SPIRE1: variants seen among roughly 807,000 people sequenced by gnomAD.
SPIRE1 encodes the protein spire type actin nucleation factor 1.
A neutral mutation model predicts 94.1 loss-of-function variants in SPIRE1; 40 were observed. The ratio of observed to expected loss-of-function variants is 0.43; its 90% CI spans 0.33 to 0.55. The LOEUF is 0.55. Ranked by LOEUF, SPIRE1 falls within the 20% of genes least tolerant of loss-of-function variation. The probability of loss-of-function intolerance (pLI) is 0.06; values close to 1 mark genes in which losing one functional copy is unlikely to be tolerated. For synonymous variants in SPIRE1, 376 were observed against 371.7 expected, an observed-to-expected ratio of 1.01 and a Z score of -0.13; for missense variants, 838 against 975.2, an observed-to-expected ratio of 0.86 and a Z score of 1.87.
At chr18:12,544,972 T>G (rs181016829) in intron 3 of SPIRE1, among the ~76,000 whole-genome samples, 1 of 152,286 alleles carries the variant, frequency 6.6e-6, no homozygotes, top group East Asian at 1.9e-4. Context: ...ACTCCTTATG[T>G]ATACTTCCCC....
At chr18:12,598,938 A>T (rs2036755843) in intron 2 of SPIRE1, among the ~76,000 whole-genome samples, 1 of 152,202 alleles carries the variant, frequency 6.6e-6, no homozygotes, top group African/African-American at 2.4e-5. Flanking sequence ...GAAACGCCTC[A>T]AAAATATACA....
intron 2 of SPIRE1, among the ~76,000 whole-genome samples, chr18:12,583,435 C>G (rs1042245902): frequency 1.3e-5 from 2 of 152,142 alleles, no homozygotes; most frequent in South Asian, 2.1e-4. Context: ...AACCTCATCT[C>G]TACTAAAAAT....
chr18:12,468,043 C>T (rs2032195757), intron 10 of SPIRE1, among the ~76,000 whole-genome samples: 1 of 152,140 alleles, frequency 6.6e-6, no homozygotes, highest in Non-Finnish European at 1.5e-5. Flanking sequence ...CGTTTCTTTA[C>T]TCCAGGGTGG....
intron 2 of SPIRE1, among the ~76,000 whole-genome samples, chr18:12,580,876 G>A (rs1220420338): frequency 6.6e-6 from 1 of 152,134 alleles, no homozygotes; most frequent in African/African-American, 2.4e-5. Context: ...GAAAGCAGTA[G>A]AGCTAGTTAT....
chr18:12,539,926 T>TAA (rs71172096), intron 3 of SPIRE1, among the ~76,000 whole-genome samples: 10 of 120,214 alleles, frequency 8.3e-5, no homozygotes, highest in Non-Finnish European at 1.4e-4. Context: ...GACTCTGTCT[T>TAA]AAAAAAAAAA....
intron 11 of SPIRE1, among the ~76,000 whole-genome samples, chr18:12,463,779 A>G (rs987682013): frequency 6.6e-6 from 1 of 152,158 alleles, no homozygotes; most frequent in Non-Finnish European, 1.5e-5. Flanking sequence ...CTCTTTTTAC[A>G]TTCTCCTTTT....
intron 2 of SPIRE1, among the ~76,000 whole-genome samples, chr18:12,619,715 G>A (rs2037411084): frequency 6.6e-6 from 1 of 150,554 alleles, no homozygotes; most frequent in South Asian, 2.1e-4. Flanking sequence ...GCACAGTGGT[G>A]TGTGCCTGTA....
At chr18:12,573,059 CCACAGACTGGA>C (rs1352511624) in intron 2 of SPIRE1, among the ~76,000 whole-genome samples, 1 of 151,996 alleles carries the variant, frequency 6.6e-6, no homozygotes, top group Non-Finnish European at 1.5e-5. Context: ...AATGATCAAG[CCACAGACTGGA>C]AGAAAATATC....
chr18:12,498,855 T>G (rs1239450746), intron 6 of SPIRE1, among the ~76,000 whole-genome samples: 2 of 152,180 alleles, frequency 1.3e-5, no homozygotes, highest in Non-Finnish European at 2.9e-5. Context: ...ATGTTCAGAC[T>G]CAAGCGATCC....
chr18:12,521,458 C>T (rs955225341), intron 4 of SPIRE1, among the ~76,000 whole-genome samples: 3 of 152,118 alleles, frequency 2.0e-5, no homozygotes, highest in Non-Finnish European at 2.9e-5. Flanking sequence ...CTCAGCCTCC[C>T]GAGTAGCTGG....
chr18:12,599,256 T>TA (rs2036765238), intron 2 of SPIRE1, among the ~76,000 whole-genome samples: 1 of 152,204 alleles, frequency 6.6e-6, no homozygotes, highest in Non-Finnish European at 1.5e-5. Flanking sequence ...CTTATCTCTT[T>TA]AGCTTTTTTC....
chr18:12,657,816 T>A lies in SPIRE1; in HGVS notation c.51A>T (p.Ala17=). 1 of 1,217,690 alleles carries A rather than the reference T, an allele frequency of 8.2e-7. No individual in the cohort carries two copies. 75.4% of individuals were successfully genotyped at this position (1,217,690 alleles called of 1,614,324 possible). A position where few individuals can be genotyped will look rare whatever the true frequency, so the allele number is the denominator to read the frequency against. Residue 17 remains alanine (A), a synonymous_variant, in exon 1 of 17, where the codon GCA becomes GCT. Transcript: ENST00000409402. ...GCTCCCGCGGCCCCTCGCCGCCCAC[T>A]GCCTCAGTCCGCGGCTCCCCGCCGC... ...PAGGGEPRTE[A]VGGEGPREPG... is the part of the protein sequence containing the mutation.
At chr18:12,466,572 G>A (rs763059314) in intron 10 of SPIRE1, among the ~76,000 whole-genome samples, 1 of 152,102 alleles carries the variant, frequency 6.6e-6, no homozygotes, top group Non-Finnish European at 1.5e-5. Flanking sequence ...GAGACACCAC[G>A]TCCAGCCTAT....
intron 1 of SPIRE1, among the ~76,000 whole-genome samples, chr18:12,642,904 C>T (rs1358984733): frequency 1.3e-5 from 2 of 152,024 alleles, no homozygotes; most frequent in African/African-American, 4.8e-5. Flanking sequence ...GCACATTCTG[C>T]ACATGTATCC....
chr18:12,619,147 C>T (rs949148138), intron 2 of SPIRE1, among the ~76,000 whole-genome samples: 1 of 152,146 alleles, frequency 6.6e-6, no homozygotes, highest in African/African-American at 2.4e-5. Flanking sequence ...CCGCCCGCCA[C>T]GGCCTCCCAA....
Position 12,464,864 on chromosome 18 carries a change from T to C in SPIRE1, c.1495+4A>G. ...CTACAGCTCTTAGCACCACAACTAC[T>C]CACTCTTCCTTGTGGACACGGCCTC... On this transcript the variant is annotated splice_donor_region_variant and intron_variant, in intron 11 of 16. Coordinates refer to ENST00000409402, the MANE Select transcript of SPIRE1 (RefSeq NM_001128626.2). 6.2e-7 allele frequency: 1 copy of C among 1,611,130 alleles called. No homozygotes were observed. The highest frequency in any genetic ancestry group is 8.5e-7 in the Non-Finnish European group (1 of 1,177,384).
intron 2 of SPIRE1, among the ~76,000 whole-genome samples, chr18:12,598,675 G>A (rs1198685586): frequency 6.6e-6 from 1 of 152,122 alleles, no homozygotes; most frequent in African/African-American, 2.4e-5. Flanking sequence ...TGGCTCAGTG[G>A]GAAAGCATGC....
At chr18:12,643,471 C>T (rs1251726016) in intron 1 of SPIRE1, among the ~76,000 whole-genome samples, 2 of 152,192 alleles carry the variant, frequency 1.3e-5, no homozygotes, top group African/African-American at 4.8e-5. Flanking sequence ...CATCTGTGTC[C>T]ATTCTCTTTA....
rs141220708 is a variant in SPIRE1, at chr18:12,647,938, G to A, written c.337+9592C>T. Reference sequence around the variant, plus strand: ...TCTTGCAGTGCCAGAAAGCAAGGACGTGCTCCACCAGACAGAAGGAGGGCT... The same window carrying A: ...TCTTGCAGTGCCAGAAAGCAAGGACATGCTCCACCAGACAGAAGGAGGGCT... On this transcript the variant is annotated intron_variant, in intron 1 of 16. Coordinates refer to ENST00000409402, the MANE Select transcript of SPIRE1 (RefSeq NM_001128626.2). Among the ~76,000 whole-genome samples, 355 of 152,186 alleles carry A rather than the reference G, an allele frequency of 2.3e-3. 3 individuals are homozygous for A. Among genetic ancestry groups the A allele is most frequent in the South Asian group, 0.014 (68 of 4,816 alleles).
Sources: allele counts gnomAD v4.1 joint callset (sites outside exome capture counted in the v4.1 genomes callset), GRCh38; gene constraint gnomAD v4.1.1; transcripts MANE v1.5; gene names NCBI Gene and HGNC (gene_info 2026-07-23, HGNC 2026-07-21).